SEC22C: variants seen among roughly 807,000 people sequenced by gnomAD.
The protein encoded by SEC22C is vesicle-trafficking protein SEC22c.
A neutral mutation model predicts 34.7 loss-of-function variants in SEC22C; 29 were observed. The observed-to-expected ratio is 0.84, with a 90% CI of 0.62 to 1.14. SEC22C has a LOEUF of 1.14. Ranked by LOEUF, SEC22C falls within the 50% of genes most tolerant of loss-of-function variation. SEC22C has a pLI of 0.00. For synonymous variants in SEC22C, 117 were observed against 132.8 expected (o/e 0.88, Z 0.82); for missense variants, 337 against 369.0 (o/e 0.91, Z 0.71).
chr3:42,596,395 A>G (rs949114406), intron 1 of SEC22C, among the ~76,000 whole-genome samples: 6 of 152,186 alleles, frequency 3.9e-5, no homozygotes, highest in African/African-American at 9.7e-5. Context: ...CCAGAGTCCT[A>G]TCCCCTGAAG....
rs1022861477 is a variant in SEC22C, at chr3:42,553,206, C to T, written c.*42G>A. 6.2e-7 allele frequency: 1 copy of T among 1,606,844 alleles called. No homozygotes were observed. Among genetic ancestry groups the T allele is most frequent in the Admixed American group, 1.7e-5 (1 of 59,432 alleles). On this transcript the variant is annotated 3_prime_UTR_variant, in exon 7 of 7. Coordinates refer to ENST00000264454, the MANE Select transcript of SEC22C (RefSeq NM_032970.4). ...GCAGAAAGAGAAACATAGATTGATCCTCAAAAGAAAATCAAAGAATCCATT... is the reference window on the plus strand; with the variant it reads ...GCAGAAAGAGAAACATAGATTGATCTTCAAAAGAAAATCAAAGAATCCATT...
intron 1 of SEC22C, among the ~76,000 whole-genome samples, chr3:42,597,555 CAA>C (rs1240922376): frequency 2.8e-4 from 20 of 71,950 alleles, no homozygotes; most frequent in Admixed American, 4.8e-4. Context: ...GACTTTGTCT[CAA>C]AAAAAAAAAA....
At chr3:42,558,055 C>T (rs569568016) in intron 4 of SEC22C, among the ~76,000 whole-genome samples, 3 of 152,356 alleles carry the variant, frequency 2.0e-5, no homozygotes, top group Non-Finnish European at 4.4e-5. Flanking sequence ...GTTGTCACAA[C>T]TAGAGACAGG....
upstream of SEC22C, among the ~76,000 whole-genome samples, chr3:42,586,692 T>C (rs146820603): frequency 2.0e-3 from 308 of 152,190 alleles, 1 homozygote; most frequent in African/African-American, 6.9e-3. Context: ...TCCTCTGCCA[T>C]AAGAGAAACT....
At chr3:42,556,762 C>T (rs1323502615) in intron 5 of SEC22C, among the ~76,000 whole-genome samples, 4 of 152,052 alleles carry the variant, frequency 2.6e-5, no homozygotes, top group East Asian at 1.9e-4. Flanking sequence ...TTGCTTTTGT[C>T]GCCCAGGCTA....
At chr3:42,579,141 G>C (rs1240205951) in intron 1 of SEC22C, among the ~76,000 whole-genome samples, 1 of 152,152 alleles carries the variant, frequency 6.6e-6, no homozygotes, top group Non-Finnish European at 1.5e-5. Flanking sequence ...GCTAGGTATG[G>C]TGGTACATGC....
Position 42,561,112 on chromosome 3 carries a change from C to T in SEC22C, c.526+5G>A. Reference sequence around the variant, plus strand: ...ATCAACATCAGGGAACAACAAGCCACTTACCAGGCTCCAAGTGCATCGGTG... The same window carrying T: ...ATCAACATCAGGGAACAACAAGCCATTTACCAGGCTCCAAGTGCATCGGTG... On this transcript the variant is annotated splice_donor_5th_base_variant and intron_variant, in intron 4 of 6. Coordinates refer to ENST00000264454, the MANE Select transcript of SEC22C (RefSeq NM_032970.4). 1.2e-6 allele frequency: 2 copies of T among 1,609,562 alleles called. No individual in the cohort carries two copies. Among genetic ancestry groups the T allele is most frequent in the Non-Finnish European group, 1.7e-6 (2 of 1,176,274 alleles).
Position 42,577,055 on chromosome 3 carries a change from G to A in SEC22C, c.-28+4791C>T, listed in dbSNP as rs548686785. 1.3e-4 allele frequency among the ~76,000 whole-genome samples: 19 copies of A among 151,736 alleles called. 1 individual carries two copies. The South Asian group carries it at 4.0e-3, about 32-fold the overall frequency. ...GTAGTCTTTTCTATAAATAGTGCCGGGAGTAAAAAGAAAGAATCTTGACCT... is the reference window on the plus strand; with the variant it reads ...GTAGTCTTTTCTATAAATAGTGCCGAGAGTAAAAAGAAAGAATCTTGACCT... On this transcript the variant is annotated intron_variant, in intron 1 of 6. Transcript: ENST00000264454.
Position 42,561,285 on chromosome 3 carries a change from G to C in SEC22C, c.358C>G (p.Gln120Glu). 1 of 1,614,118 alleles carries C rather than the reference G, an allele frequency of 6.2e-7. No individual in the cohort carries two copies. Among genetic ancestry groups the C allele is most frequent in the African/African-American group, 1.3e-5 (1 of 75,038 alleles). Residue 120 changes from glutamine to glutamate, a missense_variant, in exon 4 of 7, where the codon CAG (glutamine) becomes GAG (glutamate). Physicochemically the swap from Gln to Glu is conservative, Grantham distance 29. Transcript: ENST00000264454. ...YAFLEFDSIIQKVKWHFNYVS... is the reference protein window; with the variant it reads ...YAFLEFDSIIEKVKWHFNYVS... Reference sequence around the variant, plus strand: ...TAGTTAAAATGCCACTTCACTTTCTGAATGATGCTGTCTGCAAAAAGAGAG... The same window carrying C: ...TAGTTAAAATGCCACTTCACTTTCTCAATGATGCTGTCTGCAAAAAGAGAG...
Position 42,552,618 on chromosome 3 carries a change from T to A in SEC22C, c.*630A>T. 1.0e-6 allele frequency: 1 copy of A among 984,020 alleles called. No homozygotes were observed. The highest frequency in any genetic ancestry group is 1.2e-6 in the Non-Finnish European group (1 of 828,652). 61.0% of individuals were successfully genotyped at this position (984,020 alleles called of 1,614,324 possible). A position where few individuals can be genotyped will look rare whatever the true frequency, so the allele number is the denominator to read the frequency against. On this transcript the variant is annotated 3_prime_UTR_variant, in exon 7 of 7. Transcript: ENST00000264454. ...TACATATAAATTAAATAAACTCAGA[T>A]TTCTTAACCATTTTCTCAGCTTAAG...
intron 1 of SEC22C, among the ~76,000 whole-genome samples, chr3:42,579,948 AG>A (rs1400970205): frequency 6.6e-6 from 1 of 152,258 alleles, no homozygotes; most frequent in East Asian, 1.9e-4. Context: ...AAAAAGAGAA[AG>A]GTTTATACAG....
chr3:42,591,249 G>C, intron 1 of SEC22C: 1 of 574,036 alleles, frequency 1.7e-6, no homozygotes, highest in South Asian at 2.1e-5. Flanking sequence ...GCCCAGGCTG[G>C]AGTGCAGTGG....
Position 42,548,759 on chromosome 3 carries a change from A to G in SEC22C, c.*4489T>C. 1 of 1,588,726 alleles carries G rather than the reference A, an allele frequency of 6.3e-7. No homozygotes were observed. Among genetic ancestry groups the G allele is most frequent in the Non-Finnish European group, 8.6e-7 (1 of 1,165,202 alleles). On this transcript the variant is annotated 3_prime_UTR_variant, in exon 7 of 7. Transcript: ENST00000264454. ...GAGGGGCTGCTACCTTTTGGAGTGA[A>G]AAAAATGAGGTTTACACTGTAGTAT...
chr3:42,561,140 T>TGACC lies in SEC22C; in HGVS notation c.499_502dup (p.His168ArgfsTer12), dbSNP rs1279255987. On this transcript the variant is annotated frameshift_variant, in exon 4 of 7. Transcript: ENST00000264454. LOFTEE classifies it high-confidence loss of function. ...ACCAGGCTCCAAGTGCATCGGTGTGTGACCATTCATCACCCCATTTGCCAC... is the reference window on the plus strand; with the variant it reads ...ACCAGGCTCCAAGTGCATCGGTGTGTGACCGACCATTCATCACCCCATTTGCCAC... 1 of 1,614,184 alleles carries TGACC rather than the reference T, an allele frequency of 6.2e-7. No individual in the cohort carries two copies. The highest frequency in any genetic ancestry group is 1.1e-5 in the South Asian group (1 of 91,088).
At position 42,551,983 on chromosome 3, in the gene SEC22C, T is replaced by C. The variant is rs935871455; in HGVS notation, c.*1265A>G. The C allele has an allele frequency of 1.2e-5, 12 of 985,244 alleles. No homozygotes were observed. The highest frequency in any genetic ancestry group is 1.4e-5 in the Non-Finnish European group (12 of 829,900). 61.0% of individuals were successfully genotyped at this position (985,244 alleles called of 1,614,324 possible). Reference sequence around the variant, plus strand: ...GGTTGAACTATTCAGATTCCAGACTTCTACCAAGAACAATCCAAAGAGCAA... The same window carrying C: ...GGTTGAACTATTCAGATTCCAGACTCCTACCAAGAACAATCCAAAGAGCAA... On this transcript the variant is annotated 3_prime_UTR_variant, in exon 7 of 7. Transcript: ENST00000264454.
chr3:42,594,922 T>C (rs1309006997), intron 1 of SEC22C: 3 of 154,122 alleles, frequency 1.9e-5, no homozygotes, highest in African/African-American at 7.2e-5. Context: ...CTCCTTCCTA[T>C]CAGTTTGTAA....
intron 1 of SEC22C, chr3:42,590,844 C>G: frequency 6.3e-7 from 1 of 1,580,214 alleles, no homozygotes; most frequent in Non-Finnish European, 8.7e-7. Flanking sequence ...AGCGTAGGCC[C>G]CACCTATCGT....
rs1702298865 is a variant in SEC22C at position 42,552,447 on chromosome 3, T to C, written c.*801A>G. On this transcript the variant is annotated 3_prime_UTR_variant, in exon 7 of 7. Transcript: ENST00000264454. Reference sequence around the variant, plus strand: ...CCAGGTTGTGGTCAATTGTAAGTAATCCTGAAATTCTCATTTCTGCTCATG... The same window carrying C: ...CCAGGTTGTGGTCAATTGTAAGTAACCCTGAAATTCTCATTTCTGCTCATG... 1 of 985,214 alleles carries C rather than the reference T, an allele frequency of 1.0e-6. No homozygotes were observed. Among genetic ancestry groups the C allele is most frequent in the Non-Finnish European group, 1.2e-6 (1 of 829,808 alleles). 61.0% of individuals were successfully genotyped at this position (985,214 alleles called of 1,614,324 possible).
At position 42,548,569 on chromosome 3, in the gene SEC22C, G is replaced by A. The variant is rs762039762; in HGVS notation, c.*4679C>T. 29 of 1,606,326 alleles carry A rather than the reference G, an allele frequency of 1.8e-5. No homozygotes were observed. Among genetic ancestry groups the A allele is most frequent in the African/African-American group, 4.0e-5 (3 of 74,778 alleles). On this transcript the variant is annotated 3_prime_UTR_variant, in exon 7 of 7. Transcript: ENST00000264454. Reference sequence around the variant, plus strand: ...GCAGAAGTTTGACATCACTGCTCCCGGATGGGAGAATCAGAGCTCTCCTCA... The same window carrying A: ...GCAGAAGTTTGACATCACTGCTCCCAGATGGGAGAATCAGAGCTCTCCTCA...
Sources: gnomAD v4.1 joint callset for allele counts (sites outside exome capture counted in the v4.1 genomes callset) on GRCh38, gnomAD v4.1.1 for gene constraint, MANE v1.5 for transcripts, NCBI Gene and HGNC (gene_info 2026-07-23, HGNC 2026-07-21) for gene names.